Variants in CD247 observed in about 807,000 individuals in gnomAD.
The protein encoded by CD247 is CD247 molecule.
Under a neutral mutation model 30.0 loss-of-function variants are expected in CD247, and 13 were observed. The observed-to-expected ratio is 0.43, with a 90% CI of 0.28 to 0.69. The LOEUF is 0.69. CD247 is among the 30% of genes least tolerant of loss of function. The probability of loss-of-function intolerance (pLI) is 0.16; values close to 1 mark genes in which losing one functional copy is unlikely to be tolerated. For synonymous variants in CD247, 72 were observed against 80.0 expected (o/e 0.90, Z 0.53); for missense variants, 193 against 212.6 (o/e 0.91, Z 0.57).
At position 167,431,171 on chromosome 1, in the gene CD247, G is replaced by C; in HGVS notation, c.*510C>G. ...ACCTGGCCTAGGCTCCTTTCCATCTGCCCCTCTGCCCGGCCCTCTCACCAG... is the reference window on the plus strand; with the variant it reads ...ACCTGGCCTAGGCTCCTTTCCATCTCCCCCTCTGCCCGGCCCTCTCACCAG... On this transcript the variant is annotated 3_prime_UTR_variant, in exon 8 of 8. Coordinates refer to ENST00000362089, the MANE Select transcript of CD247 (RefSeq NM_198053.3). 1 of 423,266 alleles carries C rather than the reference G, an allele frequency of 2.4e-6. No homozygotes were observed. The highest frequency in any genetic ancestry group is 4.2e-6 in the Non-Finnish European group (1 of 239,500). The allele number at this position is 423,266 out of a possible 1,614,324, so 26.2% of individuals were successfully genotyped here.
chr1:167,509,300 G>A (rs2102115438), intron 1 of CD247, among the ~76,000 whole-genome samples: 1 of 149,714 alleles, frequency 6.7e-6, no homozygotes, highest in East Asian at 2.0e-4. Context: ...CAGGATGGGG[G>A]TTGTGGTGAG....
At chr1:167,497,011 T>A (rs1182611211) in intron 1 of CD247, among the ~76,000 whole-genome samples, 1 of 152,148 alleles carries the variant, frequency 6.6e-6, no homozygotes, top group African/African-American at 2.4e-5. Context: ...GCCACAAATG[T>A]GAGCACAGAT....
At chr1:167,484,241 A>G (rs1038017331) in intron 1 of CD247, among the ~76,000 whole-genome samples, 2 of 152,174 alleles carry the variant, frequency 1.3e-5, no homozygotes, top group African/African-American at 4.8e-5. Context: ...TTTACCCCCA[A>G]TCAGCAGACA....
At chr1:167,446,307 C>T (rs999051947) in intron 1 of CD247, among the ~76,000 whole-genome samples, 7 of 152,136 alleles carry the variant, frequency 4.6e-5, no homozygotes, top group African/African-American at 1.4e-4. Flanking sequence ...TTCATTTGCA[C>T]CTTTCCCTCC....
At chr1:167,467,136 C>T (rs1185376649) in intron 1 of CD247, among the ~76,000 whole-genome samples, 1 of 152,262 alleles carries the variant, frequency 6.6e-6, no homozygotes, top group Non-Finnish European at 1.5e-5. Flanking sequence ...CCGCGCCCGG[C>T]CCCTTTATCC....
intron 1 of CD247, among the ~76,000 whole-genome samples, chr1:167,443,730 T>C (rs531472002): frequency 6.4e-4 from 98 of 152,258 alleles, no homozygotes; most frequent in African/African-American, 2.2e-3. Context: ...CTTTCTTCCT[T>C]CCCTCCTTCC....
Position 167,476,830 on chromosome 1 carries a change from TAGA to T in CD247, c.59-36066_59-36064del, listed in dbSNP as rs529501540. On this transcript the variant is annotated intron_variant, in intron 1 of 7. Coordinates refer to ENST00000362089, the MANE Select transcript of CD247 (RefSeq NM_198053.3). Reference sequence around the variant, plus strand: ...TAATAATAATAACATCTAACACATATAGAAGGTTTATTATGTTTCAGGTTCATT... The same window carrying T: ...TAATAATAATAACATCTAACACATATAGGTTTATTATGTTTCAGGTTCATT... Among the ~76,000 whole-genome samples the T allele has an allele frequency of 1.1e-4, 16 of 152,246 alleles. No homozygotes were observed. The East Asian group carries it at 2.7e-3, about 26-fold the overall frequency.
chr1:167,518,445 G>A lies in CD247; in HGVS notation c.21C>T (p.Phe7=), dbSNP rs758310483. MKWKAL[F]TAAILQAQLP... ...ACTGTGCCTGCAGGATGGCCGCGGT[G>A]AAAAGCGCCTTCCACTTCATCTTGT... The change falls in exon 1 of 8, where the codon TTC becomes TTT. Residue 7 remains phenylalanine (F), a synonymous_variant. Coordinates refer to ENST00000362089, the MANE Select transcript of CD247 (RefSeq NM_198053.3). 1 of 1,614,164 alleles carries A rather than the reference G, an allele frequency of 6.2e-7. No individual in the cohort carries two copies. The highest frequency in any genetic ancestry group is 8.5e-7 in the Non-Finnish European group (1 of 1,180,040).
intron 1 of CD247, among the ~76,000 whole-genome samples, chr1:167,453,305 G>A (rs1652460241): frequency 6.6e-6 from 1 of 152,160 alleles, no homozygotes; most frequent in Non-Finnish European, 1.5e-5. Context: ...TCAGGGAGGT[G>A]AAGTGACTCT....
intron 1 of CD247, among the ~76,000 whole-genome samples, chr1:167,452,871 G>C (rs928816958): frequency 4.0e-5 from 6 of 151,630 alleles, no homozygotes; most frequent in African/African-American, 1.2e-4. Flanking sequence ...TATATGCCAG[G>C]CACATAGAGT....
At chr1:167,448,016 C>T (rs1016036059) in intron 1 of CD247, among the ~76,000 whole-genome samples, 12 of 152,150 alleles carry the variant, frequency 7.9e-5, no homozygotes, top group African/African-American at 2.9e-4. Flanking sequence ...GGGTGTGATG[C>T]CGACCCATTG....
At chr1:167,460,899 C>T (rs1297935290) in intron 1 of CD247, among the ~76,000 whole-genome samples, 2 of 152,200 alleles carry the variant, frequency 1.3e-5, no homozygotes, top group Non-Finnish European at 2.9e-5. Flanking sequence ...GTTTCCTATT[C>T]AGGCCATGCT....
At chr1:167,497,304 CTT>C (rs1213030951) in intron 1 of CD247, among the ~76,000 whole-genome samples, 1 of 152,126 alleles carries the variant, frequency 6.6e-6, no homozygotes, top group African/African-American at 2.4e-5. Context: ...TTTATTTTCT[CTT>C]TGTTCTTTTC....
chr1:167,490,304 C>T (rs1052342160), intron 1 of CD247, among the ~76,000 whole-genome samples: 3 of 152,168 alleles, frequency 2.0e-5, no homozygotes, highest in African/African-American at 7.2e-5. Context: ...TTCTATCTTC[C>T]CCTCTCTATC....
intron 1 of CD247, among the ~76,000 whole-genome samples, chr1:167,507,559 C>T (rs924036006): frequency 2.0e-5 from 3 of 151,318 alleles, no homozygotes; most frequent in African/African-American, 7.3e-5. Flanking sequence ...AAATAGGCAG[C>T]GTGGTGGCTT....
At chr1:167,439,084 C>G (rs1427827749) in intron 3 of CD247, among the ~76,000 whole-genome samples, 2 of 152,214 alleles carry the variant, frequency 1.3e-5, no homozygotes, top group African/African-American at 2.4e-5. Context: ...TGGGGGCTCA[C>G]TAGTGGCAGG....
At chr1:167,433,724 C>T (rs373919850) in intron 6 of CD247, among the ~76,000 whole-genome samples, 40 of 152,350 alleles carry the variant, frequency 2.6e-4, no homozygotes, top group African/African-American at 9.4e-4. Context: ...GCACTGAACA[C>T]GGCAGCACAT....
At chr1:167,468,321 A>G (rs1653355898) in intron 1 of CD247, among the ~76,000 whole-genome samples, 1 of 152,248 alleles carries the variant, frequency 6.6e-6, no homozygotes, top group African/African-American at 2.4e-5. Context: ...GAGAAAGGCA[A>G]GTTAATACCC....
At chr1:167,453,099 C>T (rs566809930) in intron 1 of CD247, among the ~76,000 whole-genome samples, 3 of 150,724 alleles carry the variant, frequency 2.0e-5, no homozygotes, top group South Asian at 2.1e-4. Context: ...TTGTTGCCAA[C>T]TTGGACATGT....
Sources: gnomAD v4.1 joint callset for allele counts (sites outside exome capture counted in the v4.1 genomes callset) on GRCh38, gnomAD v4.1.1 for gene constraint, MANE v1.5 for transcripts, NCBI Gene and HGNC (gene_info 2026-07-23, HGNC 2026-07-21) for gene names.